The following C14orf39 variants were observed in gnomAD, a reference collection of about 807,000 sequenced individuals.
C14orf39 encodes the protein chromosome 14 open reading frame 39, also known as protein SIX6OS1.
A neutral mutation model predicts 85.6 loss-of-function variants in C14orf39; 66 were observed. That is an observed-to-expected ratio of 0.77 (90% confidence interval 0.63 to 0.95). The LOEUF is 0.95. C14orf39 is among the 40% of genes least tolerant of loss of function. The probability of loss-of-function intolerance (pLI) is 0.00; values close to 1 mark genes in which losing one functional copy is unlikely to be tolerated. For missense variants in C14orf39, 735 were observed against 663.9 expected, an observed-to-expected ratio of 1.11 and a Z score of -1.18; for synonymous variants, 242 against 214.0, an observed-to-expected ratio of 1.13 and a Z score of -1.14.
chr14:60,443,759 C>T (rs1322777159), intron 16 of C14orf39, among the ~76,000 whole-genome samples: 24 of 152,192 alleles, frequency 1.6e-4, no homozygotes, highest in Non-Finnish European at 7.4e-5. Flanking sequence ...GACTGGGAGA[C>T]ATCTCCCAGT....
chr14:60,512,696 T>C (rs924884976), intron 1 of C14orf39: 2 of 152,248 alleles, frequency 1.3e-5, no homozygotes, highest in African/African-American at 4.8e-5. Context: ...CTCGTGCACA[T>C]GCATGTATGC....
intron 16 of C14orf39, among the ~76,000 whole-genome samples, chr14:60,453,364 T>C (rs1188146166): frequency 6.8e-6 from 1 of 148,072 alleles, no homozygotes; most frequent in East Asian, 1.9e-4. Flanking sequence ...TTAATATAGC[T>C]ACTGTGACCT....
At chr14:60,440,255 T>C (rs1191559051) in intron 17 of C14orf39, among the ~76,000 whole-genome samples, 3 of 152,190 alleles carry the variant, frequency 2.0e-5, no homozygotes, top group Non-Finnish European at 2.9e-5. Flanking sequence ...TACTTTCACT[T>C]ACGTATCTAA....
At chr14:60,496,094 C>A in intron 2 of C14orf39, 1 of 724,606 alleles carries the variant, frequency 1.4e-6, no homozygotes, top group South Asian at 1.4e-5. Flanking sequence ...TTCCAGTGTT[C>A]TGACTGAGCA....
At chr14:60,498,739 A>G (rs1893101644) in intron 2 of C14orf39, among the ~76,000 whole-genome samples, 1 of 152,216 alleles carries the variant, frequency 6.6e-6, no homozygotes, top group Admixed American at 6.5e-5. Flanking sequence ...CTTTTACTGA[A>G]GGACATTTTA....
At chr14:60,474,915 T>G (rs981753482) in intron 5 of C14orf39, among the ~76,000 whole-genome samples, 30 of 152,232 alleles carry the variant, frequency 2.0e-4, no homozygotes, top group African/African-American at 6.3e-4. Context: ...GCTGGCCTCA[T>G]AAAATGAGTT....
chr14:60,509,534 G>A (rs748615163), intron 1 of C14orf39: 4 of 1,609,192 alleles, frequency 2.5e-6, no homozygotes, highest in Non-Finnish European at 2.5e-6. Flanking sequence ...GGCCTGCGAG[G>A]CCCTCAACAA....
At chr14:60,473,620 T>C (rs542457856) in intron 5 of C14orf39, among the ~76,000 whole-genome samples, 2 of 152,346 alleles carry the variant, frequency 1.3e-5, no homozygotes, top group East Asian at 1.9e-4. Context: ...TTTCTACATA[T>C]GGCTAGCCAG....
In C14orf39 at chr14:60,462,542, T is replaced by C. The variant is rs549281061; in HGVS notation, c.973-949A>G. Among the ~76,000 whole-genome samples the C allele has an allele frequency of 9.8e-5, 15 of 152,288 alleles. No individual in the cohort carries two copies. In the South Asian group the frequency reaches 3.1e-3, roughly 32 times the overall value. On this transcript the variant is annotated intron_variant, in intron 11 of 17. Coordinates refer to ENST00000321731, the MANE Select transcript of C14orf39 (RefSeq NM_174978.3). ...AATATAGTTTTAACAGAAAAGTTTA[T>C]CTCATTTATTTTTGTTATAACAGAC...
At chr14:60,511,855 T>C (rs1893299349) in intron 1 of C14orf39, 1 of 158,530 alleles carries the variant, frequency 6.3e-6, no homozygotes, top group South Asian at 1.8e-4. Context: ...TTAATATCAT[T>C]CCCTTCACCA....
intron 1 of C14orf39, among the ~76,000 whole-genome samples, chr14:60,510,590 T>C (rs1484870570): frequency 1.3e-5 from 2 of 152,042 alleles, no homozygotes; most frequent in African/African-American, 4.8e-5. Context: ...CCCGGCCTCA[T>C]CCCCCAGGCC....
intron 7 of C14orf39, among the ~76,000 whole-genome samples, chr14:60,470,139 A>C (rs1471771000): frequency 6.6e-6 from 1 of 151,776 alleles, no homozygotes; most frequent in East Asian, 1.9e-4. Context: ...TTGCTCTGTA[A>C]GGCTCATCAG....
At position 60,476,035 on chromosome 14, in the gene C14orf39, G is replaced by C. The variant is rs144229502; in HGVS notation, c.323+2265C>G. Reference sequence around the variant, plus strand: ...GGATAACAGCCCTGTGCTAGTCAGCGGGTCTGAATCTTAAGAAAGTTTTAA... The same window carrying C: ...GGATAACAGCCCTGTGCTAGTCAGCCGGTCTGAATCTTAAGAAAGTTTTAA... On this transcript the variant is annotated intron_variant, in intron 5 of 17. Coordinates refer to ENST00000321731, the MANE Select transcript of C14orf39 (RefSeq NM_174978.3). 1.2e-3 allele frequency among the ~76,000 whole-genome samples: 177 copies of C among 152,230 alleles called. 2 individuals are homozygous for C. The East Asian group carries it at 0.02, about 17-fold the overall frequency.
Position 60,468,780 on chromosome 14 carries a change from G to C in C14orf39, c.676-244C>G, listed in dbSNP as rs183041220. Among the ~76,000 whole-genome samples the C allele has an allele frequency of 1.8e-4, 27 of 151,558 alleles. No homozygotes were observed. The East Asian group carries it at 2.9e-3, about 16-fold the overall frequency. Reference sequence around the variant, plus strand: ...ACAAACTCCCATCTTTTTAAAAACAGATAATTATAAGCAAAGTAGACATTG... The same window carrying C: ...ACAAACTCCCATCTTTTTAAAAACACATAATTATAAGCAAAGTAGACATTG... On this transcript the variant is annotated intron_variant, in intron 8 of 17. Coordinates refer to ENST00000321731, the MANE Select transcript of C14orf39 (RefSeq NM_174978.3).
intron 1 of C14orf39, among the ~76,000 whole-genome samples, chr14:60,507,358 T>A (rs1893218524): frequency 6.6e-6 from 1 of 152,182 alleles, no homozygotes; most frequent in Admixed American, 6.5e-5. Flanking sequence ...GGCCCTTGTA[T>A]CCGATGTTTC....
At chr14:60,445,882 C>A (rs1406288494) in intron 16 of C14orf39, among the ~76,000 whole-genome samples, 1 of 152,186 alleles carries the variant, frequency 6.6e-6, no homozygotes, top group East Asian at 1.9e-4. Flanking sequence ...ACAGTGCAAT[C>A]AAATTAGAAC....
chr14:60,456,696 C>T (rs1891294653), intron 15 of C14orf39, among the ~76,000 whole-genome samples: 1 of 151,926 alleles, frequency 6.6e-6, no homozygotes, highest in African/African-American at 2.4e-5. Context: ...GAAACAGGAA[C>T]AGCAGAGTAT....
At position 60,491,801 on chromosome 14, in the gene C14orf39, ATTCTCTCTCTCTTT is replaced by A. The variant is rs1012985492; in HGVS notation, c.-8-6729_-8-6716del. On this transcript the variant is annotated intron_variant, in intron 2 of 5. Transcript: ENST00000556799. This position sits in a 1 kb window ranked among gnomAD's most constrained non-coding sequence, Gnocchi z 4.5. ...GACAGAGCAATTCTTAAATGTAAAT[ATTCTCTCTCTCTTT>A]TTCTCTCTCTCTCTCTCTCTCACAC... is the stretch of plus-strand genomic sequence containing the variant. 2.4e-4 allele frequency among the ~76,000 whole-genome samples: 37 copies of A among 152,132 alleles called. No individual in the cohort carries two copies. Among genetic ancestry groups the A allele is most frequent in the African/African-American group, 8.9e-4 (37 of 41,534 alleles).
chr14:60,504,487 T>A (rs756094492), intron 1 of C14orf39, among the ~76,000 whole-genome samples: 1 of 152,218 alleles, frequency 6.6e-6, no homozygotes, highest in Non-Finnish European at 1.5e-5. Context: ...GATCTTAGAT[T>A]TGAAAATTGT....
Sources: gnomAD v4.1 joint callset for allele counts (sites outside exome capture counted in the v4.1 genomes callset) on GRCh38, gnomAD v4.1.1 for gene constraint, Gnocchi (gnomAD v3.1) non-coding constraint, MANE v1.5 for transcripts, NCBI Gene and HGNC (gene_info 2026-07-23, HGNC 2026-07-21) for gene names.